Variants in PCDHGA12 observed in about 807,000 individuals in gnomAD.
PCDHGA12 encodes protocadherin gamma-A12.
PCDHGA12 carries 43 observed loss-of-function variants against 61.1 expected under a neutral mutation model. The ratio of observed to expected loss-of-function variants is 0.70; its 90% CI spans 0.55 to 0.91. PCDHGA12 has a LOEUF of 0.91. Among genes scored for constraint, PCDHGA12 ranks in the 40% least tolerant of loss-of-function variants. The pLI is 0.00. For missense variants in PCDHGA12, 1,236 were observed against 1,227.7 expected (o/e 1.01, Z -0.10); for synonymous variants, 520 against 542.9 (o/e 0.96, Z 0.59).
In PCDHGA12 at chr5:141,490,274, A is replaced by G. The variant is rs1285515971; in HGVS notation, c.2425-4533A>G. The G allele has an allele frequency of 6.2e-7, 1 of 1,614,228 alleles. No individual in the cohort carries two copies. Among genetic ancestry groups the G allele is most frequent in the Non-Finnish European group, 8.5e-7 (1 of 1,180,038 alleles). On this transcript the variant is annotated intron_variant, in intron 1 of 3. Transcript: ENST00000252085. This position sits in a 1 kb window ranked among gnomAD's most constrained non-coding sequence, Gnocchi z 5.4. ...CAAGTGGATGTGGGGGATGTCAATGACAATGCCCCAGAGGTGCTATTGGCC... is the reference window on the plus strand; with the variant it reads ...CAAGTGGATGTGGGGGATGTCAATGGCAATGCCCCAGAGGTGCTATTGGCC...
Position 141,491,248 on chromosome 5 carries a change from G to T in PCDHGA12, c.2425-3559G>T, listed in dbSNP as rs757712577. On this transcript the variant is annotated intron_variant, in intron 1 of 3. Transcript: ENST00000252085. The surrounding 1 kb of genome is among the most constrained non-coding windows in gnomAD (Gnocchi z 6.9). ...AGTGCTGCTGGTTCTGGAGGATGAG[G>T]ACCCTGAGGAAATGCCCAAATCCAG... 3 of 1,614,170 alleles carry T rather than the reference G, an allele frequency of 1.9e-6. No individual in the cohort carries two copies. Among genetic ancestry groups the T allele is most frequent in the Non-Finnish European group, 2.5e-6 (3 of 1,180,018 alleles).
intron 1 of PCDHGA12, among the ~76,000 whole-genome samples, chr5:141,458,412 G>A (rs2098945236): frequency 6.6e-6 from 1 of 152,034 alleles, no homozygotes; most frequent in Non-Finnish European, 1.5e-5. Context: ...ACGGAGCGGG[G>A]GTTCCAAAGC....
At chr5:141,434,713 T>C (rs1377558306) in intron 1 of PCDHGA12, among the ~76,000 whole-genome samples, 1 of 152,088 alleles carries the variant, frequency 6.6e-6, no homozygotes, top group Non-Finnish European at 1.5e-5. Flanking sequence ...GGTAAATCTC[T>C]GTTCAGGGCT....
intron 1 of PCDHGA12, among the ~76,000 whole-genome samples, chr5:141,469,315 G>A (rs1160946697): frequency 6.6e-6 from 1 of 151,866 alleles, no homozygotes; most frequent in African/African-American, 2.4e-5. Flanking sequence ...GATGGCTCAC[G>A]CCTGTAATCC....
intron 1 of PCDHGA12, among the ~76,000 whole-genome samples, chr5:141,456,946 G>A (rs182320066): frequency 2.3e-4 from 35 of 152,284 alleles, no homozygotes; most frequent in Admixed American, 2.3e-3. Context: ...CTGGGCAACA[G>A]AGCAAAACTC....
chr5:141,509,811 C>T (rs1321920000), intron 3 of PCDHGA12, among the ~76,000 whole-genome samples: 1 of 152,168 alleles, frequency 6.6e-6, no homozygotes, highest in African/African-American at 2.4e-5. Flanking sequence ...TAGAGCCGAG[C>T]TCTTCTCCAT....
Position 141,491,531 on chromosome 5 carries a change from T to G in PCDHGA12, c.2425-3276T>G, listed in dbSNP as rs532897059. On this transcript the variant is annotated intron_variant, in intron 1 of 3. Coordinates refer to ENST00000252085, the MANE Select transcript of PCDHGA12 (RefSeq NM_003735.3). This position sits in a 1 kb window ranked among gnomAD's most constrained non-coding sequence, Gnocchi z 6.9. ...ACGCTCAAGTACATGGAGGTGACGC[T>G]GCGGCCCACAGACTCGCAGAGCCAC... The G allele has an allele frequency of 6.2e-7, 1 of 1,614,044 alleles. No homozygotes were observed. The highest frequency in any genetic ancestry group is 1.7e-5 in the Admixed American group (1 of 60,028).
intron 2 of PCDHGA12, among the ~76,000 whole-genome samples, chr5:141,505,113 G>A (rs1254889990): frequency 6.6e-6 from 1 of 152,178 alleles, no homozygotes; most frequent in East Asian, 1.9e-4. Context: ...AATGAGCCAA[G>A]ATCGCGCCAC....
Position 141,456,898 on chromosome 5 carries a change from G to A in PCDHGA12, c.2424+23715G>A, listed in dbSNP as rs1046778634. 3.9e-5 allele frequency among the ~76,000 whole-genome samples: 6 copies of A among 152,284 alleles called. No individual in the cohort carries two copies. The South Asian group carries it at 6.2e-4, about 16-fold the overall frequency. On this transcript the variant is annotated intron_variant, in intron 1 of 3. Transcript: ENST00000252085. ...GAATCGCTTGAACCCGGGAGGCAGA[G>A]GTTGCAGTGAGCCGAGATCGCACCA...
At position 141,490,490 on chromosome 5, in the gene PCDHGA12, C is replaced by T; in HGVS notation, c.2425-4317C>T. 1 of 1,614,184 alleles carries T rather than the reference C, an allele frequency of 6.2e-7. No homozygotes were observed. The highest frequency in any genetic ancestry group is 8.5e-7 in the Non-Finnish European group (1 of 1,180,028). The stretch of plus-strand genomic sequence containing the variant: ...AGCCAGCCTTTGGACCGGGAGGCCA[C>T]ATCCCACTATATCATCGAGCTGCTG... On this transcript the variant is annotated intron_variant, in intron 1 of 3. Coordinates refer to ENST00000252085, the MANE Select transcript of PCDHGA12 (RefSeq NM_003735.3). The surrounding 1 kb of genome is among the most constrained non-coding windows in gnomAD (Gnocchi z 5.4).
At position 141,431,248 on chromosome 5, in the gene PCDHGA12, G is replaced by T. The variant is rs1213088915; in HGVS notation, c.489G>T (p.Gly163=). ...CCCACGCCTGGGATCCGGATATCGG[G>T]AAGAACTCTCTGCAGAGCTACGAGC... ...PLPHAWDPDI[G]KNSLQSYELS... Residue 163 remains glycine, a synonymous_variant, in exon 1 of 4, where the codon GGG becomes GGT. Coordinates refer to ENST00000252085, the MANE Select transcript of PCDHGA12 (RefSeq NM_003735.3). The surrounding 1 kb of genome is among the most constrained non-coding windows in gnomAD (Gnocchi z 4.8). 6.2e-7 allele frequency: 1 copy of T among 1,614,022 alleles called. No individual in the cohort carries two copies. The highest frequency in any genetic ancestry group is 8.5e-7 in the Non-Finnish European group (1 of 1,180,056).
At chr5:141,462,648 C>T (rs2099044153) in intron 1 of PCDHGA12, among the ~76,000 whole-genome samples, 1 of 137,364 alleles carries the variant, frequency 7.3e-6, no homozygotes, top group Admixed American at 7.1e-5. Flanking sequence ...TCATTTCCAT[C>T]CTCAATTATC....
chr5:141,430,997 C>G lies in PCDHGA12; in HGVS notation c.238C>G (p.Arg80Gly). 6.2e-7 allele frequency: 1 copy of G among 1,613,926 alleles called. No individual in the cohort carries two copies. Residue 80 changes from arginine (R) to glycine (G), a missense_variant, in exon 1 of 4, where the codon CGC (arginine) becomes GGC (glycine). Arg to Gly is a moderately radical substitution (Grantham distance 125). Coordinates refer to ENST00000252085, the MANE Select transcript of PCDHGA12 (RefSeq NM_003735.3). ...GACGCAGCTTTTCGCCCTGAATCCG[C>G]GCAGCGGCAGCTTGGTCACGGCGGG... Reference protein sequence around the residue: ...GRTQLFALNPRSGSLVTAGRI... With the variant: ...GRTQLFALNPGSGSLVTAGRI...
chr5:141,461,355 G>A (rs993200082), intron 1 of PCDHGA12, among the ~76,000 whole-genome samples: 3 of 152,022 alleles, frequency 2.0e-5, no homozygotes, highest in Non-Finnish European at 2.9e-5. Flanking sequence ...GTGGTAGCTC[G>A]TTGTGGTTTT....
chr5:141,483,756 G>C (rs11739909), intron 1 of PCDHGA12, among the ~76,000 whole-genome samples: 24,641 of 152,020 alleles, frequency 0.16, 2,128 homozygotes, highest in African/African-American at 0.22. Context: ...GAGGATCGAG[G>C]CTTGGAAAAA....
rs1252361961 is a variant in PCDHGA12 at position 141,486,106 on chromosome 5, G to A, written c.2425-8701G>A. The A allele has an allele frequency of 2.5e-6, 4 of 1,614,190 alleles. No individual in the cohort carries two copies. The highest frequency in any genetic ancestry group is 1.1e-5 in the South Asian group (1 of 91,086). Reference sequence around the variant, plus strand: ...CTCTTTTGGGGCCCCTAGACTTTGAGAGTGAGAATTACTATGAATTTGATG... The same window carrying A: ...CTCTTTTGGGGCCCCTAGACTTTGAAAGTGAGAATTACTATGAATTTGATG... On this transcript the variant is annotated intron_variant, in intron 1 of 3. Transcript: ENST00000252085. The surrounding 1 kb of genome is among the most constrained non-coding windows in gnomAD (Gnocchi z 5.0).
intron 1 of PCDHGA12, among the ~76,000 whole-genome samples, chr5:141,447,234 G>T (rs534523483): frequency 9.9e-4 from 150 of 152,170 alleles, no homozygotes; most frequent in Non-Finnish European, 1.8e-3. Flanking sequence ...CCGCCTCCCG[G>T]GTTCAAGTGA....
chr5:141,473,238 G>A (rs1265577738), intron 1 of PCDHGA12, among the ~76,000 whole-genome samples: 4 of 152,200 alleles, frequency 2.6e-5, no homozygotes, highest in Admixed American at 6.5e-5. Context: ...ATCCACACAA[G>A]TGAATACATA....
rs1391027030 is a variant in PCDHGA12 at position 141,430,949 on chromosome 5, GT to G, written c.191del (p.Val64AlafsTer14). ...LEPRELAERG[V>X]RIIPRGRTQL... ...GCCCCGGGAGCTCGCGGAGCGCGGA[GT>G]CCGCATCATCCCCAGAGGTAGGACG... is the stretch of plus-strand genomic sequence containing the variant. On this transcript the variant is annotated frameshift_variant, in exon 1 of 4. Coordinates refer to ENST00000252085, the MANE Select transcript of PCDHGA12 (RefSeq NM_003735.3). LOFTEE classifies it high-confidence loss of function. The G allele has an allele frequency of 3.1e-6, 5 of 1,610,510 alleles. No homozygotes were observed. The highest frequency in any genetic ancestry group is 4.2e-6 in the Non-Finnish European group (5 of 1,178,606).
Sources: allele counts gnomAD v4.1 joint callset (sites outside exome capture counted in the v4.1 genomes callset), GRCh38; gene constraint gnomAD v4.1.1; non-coding constraint Gnocchi (gnomAD v3.1); transcripts MANE v1.5; gene names NCBI Gene and HGNC (gene_info 2026-07-23, HGNC 2026-07-21).